The following ADGRB3 variants were observed in gnomAD, a reference collection of about 807,000 sequenced individuals.
ADGRB3 encodes brain-specific angiogenesis inhibitor 3.
ADGRB3 carries 37 observed loss-of-function variants against 193.4 expected under a neutral mutation model. That is an observed-to-expected ratio of 0.19 (90% CI 0.15 to 0.25). ADGRB3 has a LOEUF of 0.25. Among genes scored for constraint, ADGRB3 ranks in the 10% least tolerant of loss-of-function variants. The pLI is 1.00. For missense variants in ADGRB3, 1,637 were observed against 1,852.9 expected (o/e 0.88, Z 2.14); for synonymous variants, 690 against 644.2 (o/e 1.07, Z -1.08).
At chr6:69,336,342 G>A (rs1293964196) in intron 24 of ADGRB3, among the ~76,000 whole-genome samples, 3 of 151,108 alleles carry the variant, frequency 2.0e-5, no homozygotes, top group Non-Finnish European at 4.4e-5. Context: ...TGCCTTAAAC[G>A]TCTTTGTCTT....
intron 5 of ADGRB3, among the ~76,000 whole-genome samples, chr6:68,938,939 T>C (rs1767561883): frequency 6.6e-6 from 1 of 152,214 alleles, no homozygotes; most frequent in Admixed American, 6.5e-5. Flanking sequence ...GATAGTATTA[T>C]GGCAAATGGA....
chr6:69,256,915 G>T (rs1052021041), intron 20 of ADGRB3, among the ~76,000 whole-genome samples: 8 of 152,204 alleles, frequency 5.3e-5, no homozygotes, highest in African/African-American at 1.2e-4. Flanking sequence ...TAGCATGAAG[G>T]TTGTTGAATT....
At chr6:68,773,896 G>A (rs1355661338) in intron 3 of ADGRB3, among the ~76,000 whole-genome samples, 1 of 152,036 alleles carries the variant, frequency 6.6e-6, no homozygotes, top group Non-Finnish European at 1.5e-5. Flanking sequence ...GTAAGATAGA[G>A]GGAAAAAGAA....
intron 17 of ADGRB3, among the ~76,000 whole-genome samples, chr6:69,138,170 T>C (rs1374444729): frequency 1.3e-5 from 2 of 152,236 alleles, no homozygotes; most frequent in African/African-American, 4.8e-5. Context: ...TATGGCTTAC[T>C]GTGTTCCCAG....
intron 30 of ADGRB3, among the ~76,000 whole-genome samples, chr6:69,376,399 A>G (rs1769822364): frequency 6.6e-6 from 1 of 151,966 alleles, no homozygotes; most frequent in Non-Finnish European, 1.5e-5. Flanking sequence ...TTCCTGGCCT[A>G]TGTAGCCTTT....
chr6:69,252,377 C>A (rs1447835679), intron 20 of ADGRB3, among the ~76,000 whole-genome samples: 1 of 151,864 alleles, frequency 6.6e-6, no homozygotes, highest in East Asian at 1.9e-4. Flanking sequence ...TTGTAAAAAT[C>A]TTTGTATGGA....
chr6:68,966,069 C>T (rs1042137993), intron 8 of ADGRB3, among the ~76,000 whole-genome samples: 1 of 152,140 alleles, frequency 6.6e-6, no homozygotes, highest in African/African-American at 2.4e-5. Flanking sequence ...GTCATCTCTT[C>T]CTCACATGTT....
At chr6:69,219,086 A>G in intron 17 of ADGRB3, among the ~76,000 whole-genome samples, 1 of 151,974 alleles carries the variant, frequency 6.6e-6, no homozygotes, top group East Asian at 1.9e-4. Context: ...TAAGTTAGTG[A>G]AATTTGAACA....
At chr6:68,959,578 T>A (rs1322157372) in intron 8 of ADGRB3, among the ~76,000 whole-genome samples, 1 of 152,126 alleles carries the variant, frequency 6.6e-6, no homozygotes, top group Non-Finnish European at 1.5e-5. Context: ...AAATAATGAT[T>A]AATCATCTGG....
At chr6:69,344,818 A>T (rs1769050587) in intron 26 of ADGRB3, among the ~76,000 whole-genome samples, 1 of 152,144 alleles carries the variant, frequency 6.6e-6, no homozygotes, top group African/African-American at 2.4e-5. Flanking sequence ...GGGAACAATG[A>T]GGTTGGAAGA....
chr6:69,089,214 T>C (rs1280131648), intron 17 of ADGRB3, among the ~76,000 whole-genome samples: 2 of 152,194 alleles, frequency 1.3e-5, no homozygotes, highest in Non-Finnish European at 2.9e-5. Flanking sequence ...TGTATTGCAA[T>C]GTGTCTGCAG....
At chr6:68,661,241 A>G (rs1453544835) in intron 3 of ADGRB3, among the ~76,000 whole-genome samples, 1 of 147,754 alleles carries the variant, frequency 6.8e-6, no homozygotes, top group African/African-American at 2.5e-5. Flanking sequence ...TGAGAAGATT[A>G]TTTAAGGTTT....
intron 17 of ADGRB3, among the ~76,000 whole-genome samples, chr6:69,082,927 ATTAC>A (rs1431524201): frequency 1.3e-5 from 2 of 152,184 alleles, no homozygotes; most frequent in Non-Finnish European, 2.9e-5. Flanking sequence ...GCCTCTGCTT[ATTAC>A]TTGTTGATAT....
At chr6:69,029,972 G>C (rs1770581867) in intron 13 of ADGRB3, among the ~76,000 whole-genome samples, 1 of 93,484 alleles carries the variant, frequency 1.1e-5, no homozygotes, top group African/African-American at 5.6e-5. Flanking sequence ...ATGATATATA[G>C]AATGCACACA....
intron 20 of ADGRB3, among the ~76,000 whole-genome samples, chr6:69,309,494 G>T (rs1159387260): frequency 6.6e-6 from 1 of 151,636 alleles, no homozygotes; most frequent in East Asian, 1.9e-4. Flanking sequence ...ATTGAGAACT[G>T]AATGTGAATC....
Position 69,303,780 on chromosome 6 carries a change from C to T in ADGRB3, c.2815-21092C>T, listed in dbSNP as rs184012511. 2.1e-3 allele frequency among the ~76,000 whole-genome samples: 312 copies of T among 152,008 alleles called. 1 individual carries two copies. Among genetic ancestry groups the T allele is most frequent in the South Asian group, 7.5e-3 (36 of 4,826 alleles). On this transcript the variant is annotated intron_variant, in intron 20 of 31. Coordinates refer to ENST00000370598, the MANE Select transcript of ADGRB3 (RefSeq NM_001704.3). ...ACCTATCTCTAAAGAATTCTGTTTT[C>T]AGTGGAATGTCTGGGGAAAGTGACT...
chr6:69,349,229 T>C (rs887509606), intron 26 of ADGRB3, among the ~76,000 whole-genome samples: 1 of 152,204 alleles, frequency 6.6e-6, no homozygotes, highest in African/African-American at 2.4e-5. Flanking sequence ...GCTGAAGAAA[T>C]GCTGCTACAT....
At chr6:68,866,485 G>A (rs1765300684) in intron 3 of ADGRB3, among the ~76,000 whole-genome samples, 1 of 152,142 alleles carries the variant, frequency 6.6e-6, no homozygotes, top group Non-Finnish European at 1.5e-5. Context: ...TGTGAAAATG[G>A]ATTAATACAG....
chr6:69,359,351 G>C (rs756456920), intron 28 of ADGRB3, among the ~76,000 whole-genome samples: 1 of 150,756 alleles, frequency 6.6e-6, no homozygotes, highest in Non-Finnish European at 1.5e-5. Flanking sequence ...ATTATATTAA[G>C]ACTTTTGGAA....
Sources: gnomAD v4.1 joint callset for allele counts (sites outside exome capture counted in the v4.1 genomes callset) on GRCh38, gnomAD v4.1.1 for gene constraint, MANE v1.5 for transcripts, NCBI Gene and HGNC (gene_info 2026-07-23, HGNC 2026-07-21) for gene names.